TSTD2: variants seen among roughly 807,000 people sequenced by gnomAD.
TSTD2 encodes thiosulfate sulfurtransferase like domain containing 2.
Under a neutral mutation model 47.9 loss-of-function variants are expected in TSTD2, and 37 were observed. The observed-to-expected ratio is 0.77, with a 90% CI of 0.59 to 1.02. The LOEUF (loss-of-function observed/expected upper bound fraction) is 1.02. Among genes scored for constraint, TSTD2 ranks in the 50% least tolerant of loss-of-function variants. The pLI is 0.00. For missense variants in TSTD2, 586 were observed against 616.0 expected (o/e 0.95, Z 0.52); for synonymous variants, 201 against 215.9 (o/e 0.93, Z 0.61).
At chr9:97,611,464 G>A (rs1283050978) in intron 5 of TSTD2, 110 bp downstream of exon 5, 1 of 1,254,258 alleles carries the variant, frequency 8.0e-7, no homozygotes, top group East Asian at 2.5e-5. Flanking sequence ...AAAGGGGAAA[G>A]GGTATTTATT....
Position 97,604,690 on chromosome 9 carries a change from T to A in TSTD2, c.1252+37A>T, listed in dbSNP as rs1826334496. 3 of 1,612,652 alleles carry A rather than the reference T, an allele frequency of 1.9e-6. No homozygotes were observed. In the South Asian group the frequency reaches 3.3e-5, roughly 18 times the overall value. ...TAGAATAGTGAACTGACAATGTGCT[T>A]CATTTCAGTTTGGGCTCTGAGCCTG... is the stretch of plus-strand genomic sequence containing the variant. On this transcript the variant is annotated intron_variant, in intron 9 of 9. Transcript: ENST00000341170.
intron 9 of TSTD2, 44 bp from the exon 10 acceptor site, chr9:97,602,811 C>G (rs1170312991): frequency 1.3e-6 from 2 of 1,551,226 alleles, no homozygotes; most frequent in Middle Eastern, 1.7e-4. Context: ...CATACATTCA[C>G]ACACACGTGG....
chr9:97,617,956 C>G, intron 3 of TSTD2, 79 bp from the exon 4 acceptor site: 2 of 1,536,880 alleles, frequency 1.3e-6, no homozygotes. Context: ...TACACCCAGG[C>G]AGTCTGAGGG....
At chr9:97,603,472 G>C (rs999592746) in intron 9 of TSTD2, among the ~76,000 whole-genome samples, 2 of 152,094 alleles carry the variant, frequency 1.3e-5, no homozygotes, top group African/African-American at 2.4e-5. Context: ...CTTTCTACTT[G>C]TTTAGAATTT....
rs1187959798 is a variant in TSTD2, at chr9:97,610,396, T to C, written c.785A>G (p.Glu262Gly). ...GGGGCTGATCCCCATGGGCACGATT[T>C]CTTCAAATACACCAACACGCAATTC... The part of the protein sequence containing the change: ...FPELRVGVFE[E>G]IVPMGISPKK... Residue 262 changes from glutamate to glycine, a missense_variant, in exon 6 of 10, where the codon GAA becomes GGA. By Grantham distance (98) the Glu-to-Gly change is moderately conservative. Transcript: ENST00000341170. 6.2e-7 allele frequency: 1 copy of C among 1,601,154 alleles called. No individual in the cohort carries two copies. Among genetic ancestry groups the C allele is most frequent in the African/African-American group, 1.3e-5 (1 of 74,208 alleles).
rs1181835393 is a variant in TSTD2, at chr9:97,605,470, G to C, written c.1113+13C>G. ...CACTGCCATGCCCACAGTGCCCCGG[G>C]GTGGTGGCTCACCTTGGCTTTGAGG... On this transcript the variant is annotated intron_variant, in intron 8 of 9. Transcript: ENST00000341170. The C allele has an allele frequency of 6.2e-7, 1 of 1,612,890 alleles. No homozygotes were observed. The highest frequency in any genetic ancestry group is 8.5e-7 in the Non-Finnish European group (1 of 1,179,728).
In TSTD2 at chr9:97,604,759, T is replaced by C. The variant is rs141069662; in HGVS notation, c.1220A>G (p.Tyr407Cys). 6.8e-6 allele frequency: 11 copies of C among 1,614,072 alleles called. No homozygotes were observed. The African/African-American group carries it at 1.1e-4, about 16-fold the overall frequency. The change falls in exon 9 of 10, where the codon TAT (tyrosine) becomes TGT (cysteine). Residue 407 changes from tyrosine (Y) to cysteine (C), a missense_variant. By Grantham distance (194) the Tyr-to-Cys change is radical. Coordinates refer to ENST00000341170, the MANE Select transcript of TSTD2 (RefSeq NM_139246.5). ...KGKLFVFDER[Y>C]ALSYNSDVVS... ...CACATCACTGTTGTAGGACAGAGCA[T>C]AGCGTTCATCAAAAACAAACAACTT...
intron 4 of TSTD2, among the ~76,000 whole-genome samples, chr9:97,612,425 G>T (rs1197332076): frequency 6.6e-6 from 1 of 152,210 alleles, no homozygotes; most frequent in Admixed American, 6.5e-5. Context: ...TTACCACATT[G>T]TCTTCCACAA....
At chr9:97,604,278 G>C (rs1826327115) in intron 9 of TSTD2, 1 of 154,466 alleles carries the variant, frequency 6.5e-6, no homozygotes, top group African/African-American at 2.4e-5. Context: ...AATACAACTG[G>C]TACTTTGTTG....
intron 4 of TSTD2, among the ~76,000 whole-genome samples, chr9:97,614,636 G>A (rs1045860640): frequency 7.9e-5 from 12 of 152,172 alleles, no homozygotes; most frequent in African/African-American, 2.7e-4. Flanking sequence ...TCTGAAGTGG[G>A]GTATGCGCCA....
In TSTD2 at chr9:97,603,191, T is replaced by G. The variant is rs1034099; in HGVS notation, c.1253-424A>C. On this transcript the variant is annotated intron_variant, in intron 9 of 9. Transcript: ENST00000341170. Reference sequence around the variant, plus strand: ...AATACAGGCGATAACCCACCTACAGTGAACATGCGCAGTCCACACCCCTCT... The same window carrying G: ...AATACAGGCGATAACCCACCTACAGGGAACATGCGCAGTCCACACCCCTCT... The G allele has an allele frequency of 0.012, 2,164 of 178,208 alleles. 105 individuals carry two copies. In the East Asian group the frequency reaches 0.13, roughly 10 times the overall value. 11.0% of individuals were successfully genotyped at this position (178,208 alleles called of 1,614,324 possible).
At chr9:97,612,169 A>G (rs1826471210) in intron 4 of TSTD2, among the ~76,000 whole-genome samples, 1 of 152,220 alleles carries the variant, frequency 6.6e-6, no homozygotes, top group African/African-American at 2.4e-5. Flanking sequence ...AGCTCCATCC[A>G]TGTCCCTGCA....
At chr9:97,616,204 G>A (rs1421860888) in intron 4 of TSTD2, among the ~76,000 whole-genome samples, 1 of 152,072 alleles carries the variant, frequency 6.6e-6, no homozygotes, top group South Asian at 2.1e-4. Context: ...AAAAGAACTC[G>A]GTGGGTTCCA....
At chr9:97,619,915 T>C (rs1826603448) in intron 3 of TSTD2, among the ~76,000 whole-genome samples, 1 of 152,188 alleles carries the variant, frequency 6.6e-6, no homozygotes, top group Non-Finnish European at 1.5e-5. Context: ...AGTCAGAAAT[T>C]TGTCCTCTGG....
intron 9 of TSTD2, chr9:97,604,015 A>C (rs1826320538): frequency 6.6e-6 from 1 of 152,348 alleles, no homozygotes; most frequent in South Asian, 2.1e-4. Context: ...TAAATGCATA[A>C]AATATGTAAG....
In TSTD2 at chr9:97,602,378, T is replaced by A; in HGVS notation, c.*91A>T. 1.4e-6 allele frequency: 2 copies of A among 1,424,560 alleles called. No individual in the cohort carries two copies. Among genetic ancestry groups the A allele is most frequent in the Non-Finnish European group, 1.9e-6 (2 of 1,074,380 alleles). 88.2% of individuals were successfully genotyped at this position (1,424,560 alleles called of 1,614,324 possible). On this transcript the variant is annotated 3_prime_UTR_variant, in exon 10 of 10. Coordinates refer to ENST00000341170, the MANE Select transcript of TSTD2 (RefSeq NM_139246.5). ...GCGGCCAGAACTGAAGTTCCCGATT[T>A]CTCTGTTTCTGCAGTCTTGCCATGC...
chr9:97,600,093 T>C lies in TSTD2; in HGVS notation c.*2376A>G, dbSNP rs980596968. Reference sequence around the variant, plus strand: ...CACTCTTCCACATGCTTTTGAAGTATTATAAAACACTTTATTACAAATTTG... The same window carrying C: ...CACTCTTCCACATGCTTTTGAAGTACTATAAAACACTTTATTACAAATTTG... On this transcript the variant is annotated 3_prime_UTR_variant, in exon 10 of 10. Coordinates refer to ENST00000341170, the MANE Select transcript of TSTD2 (RefSeq NM_139246.5). The C allele has an allele frequency of 2.0e-6, 2 of 1,015,774 alleles. No homozygotes were observed. The highest frequency in any genetic ancestry group is 5.1e-5 in the Admixed American group (1 of 19,548). The allele number at this position is 1,015,774 out of a possible 1,614,324, so 62.9% of individuals were successfully genotyped here. A position where few individuals can be genotyped will look rare whatever the true frequency, so the allele number is the denominator to read the frequency against.
chr9:97,601,105 A>C lies in TSTD2; in HGVS notation c.*1364T>G. On this transcript the variant is annotated 3_prime_UTR_variant, in exon 10 of 10. Coordinates refer to ENST00000341170, the MANE Select transcript of TSTD2 (RefSeq NM_139246.5). ...GGGGCCAGGGCCTCAGCGCTATGGA[A>C]GAGTGTCCACTGAGGCTGCACATGG... 1 of 1,304,304 alleles carries C rather than the reference A, an allele frequency of 7.7e-7. No individual in the cohort carries two copies. Among genetic ancestry groups the C allele is most frequent in the Non-Finnish European group, 1.0e-6 (1 of 988,954 alleles). 80.8% of individuals were successfully genotyped at this position (1,304,304 alleles called of 1,614,324 possible). A position where few individuals can be genotyped will look rare whatever the true frequency, so the allele number is the denominator to read the frequency against.
At chr9:97,610,225 A>ACC in intron 6 of TSTD2, 121 bp downstream of exon 6, 1 of 768,400 alleles carries the variant, frequency 1.3e-6, no homozygotes, top group Non-Finnish European at 2.1e-6. Context: ...AGTGTTAGCC[A>ACC]CCCCACAGCT....
Sources: allele counts gnomAD v4.1 joint callset (sites outside exome capture counted in the v4.1 genomes callset), GRCh38; gene constraint gnomAD v4.1.1; transcripts MANE v1.5; gene names NCBI Gene and HGNC (gene_info 2026-07-23, HGNC 2026-07-21).